Variants in MSRA observed in about 807,000 individuals in gnomAD.
MSRA encodes mitochondrial peptide methionine sulfoxide reductase.
A neutral mutation model predicts 31.3 loss-of-function variants in MSRA; 54 were observed. That is an observed-to-expected ratio of 1.73 (90% CI 1.39 to 2.17). The LOEUF (loss-of-function observed/expected upper bound fraction) is 2.17, where lower values mean the gene tolerates loss of function less well. MSRA is among the 30% of genes most tolerant of loss of function. MSRA has a pLI of 0.00. For missense variants in MSRA, 507 were observed against 300.9 expected (o/e 1.69, Z -5.07); for synonymous variants, 169 against 116.5 (o/e 1.45, Z -2.90).
chr8:10,163,532 C>G (rs757893503), intron 1 of MSRA, among the ~76,000 whole-genome samples: 1 of 152,216 alleles, frequency 6.6e-6, no homozygotes, highest in African/African-American at 2.4e-5. Flanking sequence ...GGGCATCACA[C>G]CTTGTGCCTT....
At chr8:10,260,055 A>G (rs945137745) in intron 3 of MSRA, among the ~76,000 whole-genome samples, 1 of 152,212 alleles carries the variant, frequency 6.6e-6, no homozygotes, top group Non-Finnish European at 1.5e-5. Context: ...AGAGAAAACA[A>G]CCAAGTCATT....
At chr8:10,229,822 T>C (rs945273522) in intron 2 of MSRA, among the ~76,000 whole-genome samples, 2 of 152,170 alleles carry the variant, frequency 1.3e-5, no homozygotes, top group African/African-American at 4.8e-5. Flanking sequence ...ACGTCTATAA[T>C]CTAGGAATTT....
rs576096391 is a variant in MSRA, at chr8:10,180,583, G to A, written c.143-27250G>A. On this transcript the variant is annotated intron_variant, in intron 1 of 5. Coordinates refer to ENST00000317173, the MANE Select transcript of MSRA (RefSeq NM_012331.5). ...GAGTTACCTCATTAGCATAACTCAG[G>A]TAAGGTTGAAAGGGGTTTGCTATGA... Among the ~76,000 whole-genome samples the A allele has an allele frequency of 4.6e-5, 7 of 152,246 alleles. No individual in the cohort carries two copies. The East Asian group carries it at 1.2e-3, about 25-fold the overall frequency.
chr8:10,247,116 C>T (rs571494409), intron 3 of MSRA, among the ~76,000 whole-genome samples: 34 of 152,174 alleles, frequency 2.2e-4, no homozygotes, highest in Non-Finnish European at 3.7e-4. Context: ...AGCTGTTTAC[C>T]TTAATAACAA....
At position 10,358,964 on chromosome 8, in the gene MSRA, A is replaced by G. The variant is rs183918701; in HGVS notation, c.543+38975A>G. On this transcript the variant is annotated intron_variant, in intron 5 of 5. Coordinates refer to ENST00000317173, the MANE Select transcript of MSRA (RefSeq NM_012331.5). ...TAGGTTGTACACTCCTTATGAGAAT[A>G]TAACTGACGCCTGATGATCTGAAGT... Among the ~76,000 whole-genome samples, 25 of 152,304 alleles carry G rather than the reference A, an allele frequency of 1.6e-4. No individual in the cohort carries two copies. In the East Asian group the frequency reaches 4.8e-3, roughly 29 times the overall value.
At chr8:10,336,115 T>C (rs573069219) in intron 5 of MSRA, among the ~76,000 whole-genome samples, 1 of 152,292 alleles carries the variant, frequency 6.6e-6, no homozygotes, top group East Asian at 1.9e-4. Flanking sequence ...CAATATCACA[T>C]TAAAAGAATA....
chr8:10,076,566 C>G (rs76286000), intron 1 of MSRA, among the ~76,000 whole-genome samples: 7,617 of 152,196 alleles, frequency 0.05, 248 homozygotes, highest in Non-Finnish European at 0.073. Context: ...GCTTCCATTC[C>G]CATCGCTTCT....
At chr8:10,188,468 T>C (rs1242642918) in intron 1 of MSRA, among the ~76,000 whole-genome samples, 1 of 152,206 alleles carries the variant, frequency 6.6e-6, no homozygotes, top group Non-Finnish European at 1.5e-5. Context: ...AGTTTTCAGT[T>C]GATTTCCACA....
intron 1 of MSRA, among the ~76,000 whole-genome samples, chr8:10,136,503 C>T (rs528298449): frequency 1.3e-5 from 2 of 152,278 alleles, no homozygotes; most frequent in African/African-American, 2.4e-5. Flanking sequence ...AACCAGTAGC[C>T]GTATGGAATC....
intron 2 of MSRA, among the ~76,000 whole-genome samples, chr8:10,238,095 C>T (rs1812104772): frequency 6.6e-6 from 1 of 152,212 alleles, no homozygotes; most frequent in Admixed American, 6.5e-5. Context: ...CTTTGTCCTG[C>T]TACTTCCTCC....
At chr8:10,407,108 C>A (rs1393509460) in intron 5 of MSRA, among the ~76,000 whole-genome samples, 5 of 152,232 alleles carry the variant, frequency 3.3e-5, no homozygotes, top group African/African-American at 1.2e-4. Context: ...AACTCCGGGA[C>A]TCAAGTGATC....
chr8:10,185,359 C>T (rs949076884), intron 1 of MSRA, among the ~76,000 whole-genome samples: 1 of 152,118 alleles, frequency 6.6e-6, no homozygotes, highest in African/African-American at 2.4e-5. Flanking sequence ...CTAGGGTTTC[C>T]CCCAAAGATT....
chr8:10,423,336 T>C (rs1808927419), intron 5 of MSRA, among the ~76,000 whole-genome samples: 1 of 152,190 alleles, frequency 6.6e-6, no homozygotes, highest in Admixed American at 6.5e-5. Context: ...CAAGCATTGG[T>C]GTGTCAGCCA....
intron 1 of MSRA, among the ~76,000 whole-genome samples, chr8:10,183,509 G>C (rs1806730907): frequency 6.6e-6 from 1 of 152,162 alleles, no homozygotes; most frequent in Admixed American, 6.5e-5. Context: ...GTCAGGGGCA[G>C]ACCAAGGGTC....
At chr8:10,188,933 G>T (rs912245084) in intron 1 of MSRA, among the ~76,000 whole-genome samples, 5 of 152,176 alleles carry the variant, frequency 3.3e-5, no homozygotes, top group African/African-American at 4.8e-5. Context: ...CATCAGCTTT[G>T]TGCTGAACTA....
chr8:10,334,740 T>C (rs1802918429), intron 5 of MSRA, among the ~76,000 whole-genome samples: 1 of 152,184 alleles, frequency 6.6e-6, no homozygotes, highest in African/African-American at 2.4e-5. Flanking sequence ...TGTGCATGTG[T>C]ATTTAGCGCT....
At chr8:10,203,385 C>T (rs1808668400) in intron 1 of MSRA, among the ~76,000 whole-genome samples, 1 of 152,128 alleles carries the variant, frequency 6.6e-6, no homozygotes, top group Non-Finnish European at 1.5e-5. Flanking sequence ...AAGGAACACA[C>T]GCATGTACAC....
At chr8:10,217,032 G>T (rs1810053814) in intron 2 of MSRA, among the ~76,000 whole-genome samples, 1 of 152,068 alleles carries the variant, frequency 6.6e-6, no homozygotes, top group African/African-American at 2.4e-5. Flanking sequence ...GAACCACAAG[G>T]GTTCCAATTT....
intron 1 of MSRA, among the ~76,000 whole-genome samples, chr8:10,089,535 G>A (rs1798755251): frequency 6.6e-6 from 1 of 152,210 alleles, no homozygotes; most frequent in Non-Finnish European, 1.5e-5. Flanking sequence ...ACATGGCTAG[G>A]AGGGGAAACC....
Sources: gnomAD v4.1 joint callset for allele counts (sites outside exome capture counted in the v4.1 genomes callset) on GRCh38, gnomAD v4.1.1 for gene constraint, MANE v1.5 for transcripts, NCBI Gene and HGNC (gene_info 2026-07-23, HGNC 2026-07-21) for gene names.